Variants in PDLIM5 observed in about 807,000 individuals in gnomAD.
PDLIM5 encodes the protein PDZ and LIM domain 5.
In PDLIM5, 34 loss-of-function variants were observed where a neutral mutation model predicts 64.2. The ratio of observed to expected loss-of-function variants is 0.53; its 90% confidence interval spans 0.40 to 0.71. The LOEUF (loss-of-function observed/expected upper bound fraction) is 0.71. Among genes scored for constraint, PDLIM5 ranks in the 30% least tolerant of loss-of-function variants. PDLIM5 has a pLI of 0.00. For synonymous variants in PDLIM5, 253 were observed against 269.1 expected, an observed-to-expected ratio of 0.94 and a Z score of 0.59; for missense variants, 683 against 733.6, an observed-to-expected ratio of 0.93 and a Z score of 0.80.
intron 3 of PDLIM5, among the ~76,000 whole-genome samples, chr4:94,538,603 C>CT (rs1161066479): frequency 6.6e-6 from 1 of 152,130 alleles, no homozygotes; most frequent in Non-Finnish European, 1.5e-5. Flanking sequence ...TTTTAGGTAT[C>CT]TCATCTGTCA....
intron 2 of PDLIM5, among the ~76,000 whole-genome samples, chr4:94,510,771 A>G (rs190953377): frequency 7.8e-4 from 118 of 152,148 alleles, no homozygotes; most frequent in Admixed American, 2.0e-3. Flanking sequence ...ACTTTGGGAG[A>G]CTGAGGCAGG....
chr4:94,542,030 G>C (rs567431346), intron 3 of PDLIM5, among the ~76,000 whole-genome samples: 8 of 152,148 alleles, frequency 5.3e-5, no homozygotes, highest in African/African-American at 1.9e-4. Context: ...TAAGAGGCCC[G>C]GCTGGGCATG....
chr4:94,512,817 G>A (rs1024832713), intron 2 of PDLIM5, among the ~76,000 whole-genome samples: 2 of 152,226 alleles, frequency 1.3e-5, no homozygotes, highest in African/African-American at 4.8e-5. Flanking sequence ...CCAGACCAAT[G>A]TCCTGGAGAG....
chr4:94,606,630 A>G (rs763339840), intron 7 of PDLIM5, among the ~76,000 whole-genome samples: 1 of 152,216 alleles, frequency 6.6e-6, no homozygotes, highest in African/African-American at 2.4e-5. Context: ...TGGAAGGTCT[A>G]AGCAACAGAC....
At chr4:94,590,020 G>A (rs182187002) in intron 7 of PDLIM5, among the ~76,000 whole-genome samples, 3 of 151,878 alleles carry the variant, frequency 2.0e-5, no homozygotes, top group Admixed American at 6.6e-5. Context: ...CCAGTTATCC[G>A]CCTGTGCCTC....
At chr4:94,493,351 A>C (rs1028771962) in intron 2 of PDLIM5, among the ~76,000 whole-genome samples, 1 of 151,420 alleles carries the variant, frequency 6.6e-6, no homozygotes, top group African/African-American at 2.4e-5. Flanking sequence ...TCACTCTGTC[A>C]CCTAGGCTAG....
intron 3 of PDLIM5, among the ~76,000 whole-genome samples, chr4:94,529,223 G>C (rs1043678298): frequency 2.6e-5 from 4 of 152,124 alleles, no homozygotes; most frequent in African/African-American, 4.8e-5. Context: ...GGAAAGGAAG[G>C]CCAGAGGAAG....
At chr4:94,537,918 C>G (rs1026858308) in intron 3 of PDLIM5, among the ~76,000 whole-genome samples, 4 of 152,112 alleles carry the variant, frequency 2.6e-5, no homozygotes, top group Admixed American at 6.5e-5. Context: ...TACTTCTTCT[C>G]TAAAAGTTGT....
In PDLIM5 at chr4:94,640,390, C is replaced by CTGAGCA; in HGVS notation, c.1224_1229dup (p.Glu409_His410dup). The CTGAGCA allele has an allele frequency of 6.2e-7, 1 of 1,612,616 alleles. No homozygotes were observed. The highest frequency in any genetic ancestry group is 1.1e-5 in the South Asian group (1 of 90,952). On this transcript the variant is annotated inframe_insertion, in exon 9 of 13. Coordinates refer to ENST00000317968, the MANE Select transcript of PDLIM5 (RefSeq NM_006457.5). ...GACCAGGACACTTTAGTGCAAAGAG[C>CTGAGCA]TGAGCACATTCCAGCAGGGAAACGA... is the stretch of plus-strand genomic sequence containing the variant.
intron 2 of PDLIM5, among the ~76,000 whole-genome samples, chr4:94,512,293 AC>A (rs1728955922): frequency 6.6e-6 from 1 of 152,250 alleles, no homozygotes; most frequent in East Asian, 1.9e-4. Context: ...TTCTGGGATT[AC>A]AGGCATGAGC....
chr4:94,552,752 T>C (rs927272035), intron 3 of PDLIM5, among the ~76,000 whole-genome samples: 1 of 152,160 alleles, frequency 6.6e-6, no homozygotes, highest in African/African-American at 2.4e-5. Flanking sequence ...CTTTTCCCCT[T>C]AGATTTTGCT....
intron 9 of PDLIM5, among the ~76,000 whole-genome samples, chr4:94,645,117 T>C (rs757475812): frequency 1.1e-4 from 17 of 152,210 alleles, no homozygotes; most frequent in Non-Finnish European, 1.8e-4. Flanking sequence ...GTCATTTTTA[T>C]GCCTTTGCAT....
In PDLIM5 at chr4:94,667,918, C is replaced by T. The variant is rs1370428075; in HGVS notation, c.*3851C>T. On this transcript the variant is annotated 3_prime_UTR_variant, in exon 13 of 13. Transcript: ENST00000317968. The stretch of plus-strand genomic sequence containing the variant: ...TGTGGCATTTGGAGTTTGTCATCCC[C>T]ATTGAAGGGAGAGCCTTCTCAGACA... 1 of 152,064 alleles carries T rather than the reference C, an allele frequency of 6.6e-6. No homozygotes were observed. Among genetic ancestry groups the T allele is most frequent in the African/African-American group, 2.4e-5 (1 of 41,406 alleles). 9.4% of individuals were successfully genotyped at this position (152,064 alleles called of 1,614,324 possible). A position where few individuals can be genotyped will look rare whatever the true frequency, so the allele number is the denominator to read the frequency against.
At chr4:94,596,882 A>T (rs1737107691) in intron 7 of PDLIM5, among the ~76,000 whole-genome samples, 1 of 152,184 alleles carries the variant, frequency 6.6e-6, no homozygotes, top group African/African-American at 2.4e-5. Context: ...AATTAGTCTC[A>T]TGTGTCCATG....
At chr4:94,661,327 A>G (rs948969048) in intron 11 of PDLIM5, among the ~76,000 whole-genome samples, 38 of 152,116 alleles carry the variant, frequency 2.5e-4, no homozygotes, top group Admixed American at 1.1e-3. Flanking sequence ...AAGGAGGTGG[A>G]GGCTGCGGTG....
intron 8 of PDLIM5, among the ~76,000 whole-genome samples, chr4:94,628,832 C>G (rs1315658872): frequency 6.6e-6 from 1 of 152,136 alleles, no homozygotes; most frequent in Admixed American, 6.5e-5. Flanking sequence ...TAAATATATT[C>G]TAAGCTTACA....
At chr4:94,656,037 A>G (rs1742184385) in intron 10 of PDLIM5, among the ~76,000 whole-genome samples, 1 of 152,192 alleles carries the variant, frequency 6.6e-6, no homozygotes, top group Non-Finnish European at 1.5e-5. Flanking sequence ...ATAAGTCTAT[A>G]TTATTTCATT....
chr4:94,496,056 G>A (rs1457467871), intron 2 of PDLIM5, among the ~76,000 whole-genome samples: 6 of 138,962 alleles, frequency 4.3e-5, no homozygotes, highest in Non-Finnish European at 9.0e-5. Context: ...GACATTTCTA[G>A]CAAAAAAAAA....
rs961942752 is a variant in PDLIM5 at position 94,665,569 on chromosome 4, C to T, written c.*1502C>T. 2 of 915,838 alleles carry T rather than the reference C, an allele frequency of 2.2e-6. No homozygotes were observed. Among genetic ancestry groups the T allele is most frequent in the Non-Finnish European group, 2.5e-6 (2 of 790,334 alleles). The allele number at this position is 915,838 out of a possible 1,614,324, so 56.7% of individuals were successfully genotyped here. ...AATTGTGAATCAGAAGATTATACCC[C>T]CCAATTGTTTTTCAATCCCCTTTTC... On this transcript the variant is annotated 3_prime_UTR_variant, in exon 13 of 13. Coordinates refer to ENST00000317968, the MANE Select transcript of PDLIM5 (RefSeq NM_006457.5).
Sources: gnomAD v4.1 joint callset for allele counts (sites outside exome capture counted in the v4.1 genomes callset) on GRCh38, gnomAD v4.1.1 for gene constraint, MANE v1.5 for transcripts, NCBI Gene and HGNC (gene_info 2026-07-23, HGNC 2026-07-21) for gene names.